STEAP3: variants seen among roughly 807,000 people sequenced by gnomAD.
The protein encoded by STEAP3 is STEAP3 metalloreductase, also known as metalloreductase STEAP3.
STEAP3 carries 35 observed loss-of-function variants against 34.9 expected under a neutral mutation model. The observed-to-expected ratio is 1.00, with a 90% confidence interval of 0.76 to 1.33. The LOEUF is 1.33. Ranked by LOEUF, STEAP3 falls within the 40% of genes most tolerant of loss-of-function variation. The probability of loss-of-function intolerance (pLI) is 0.00; values close to 1 mark genes in which losing one functional copy is unlikely to be tolerated. For missense variants in STEAP3, 652 were observed against 667.6 expected, an observed-to-expected ratio of 0.98 and a Z score of 0.26; for synonymous variants, 281 against 301.6, an observed-to-expected ratio of 0.93 and a Z score of 0.71.
In STEAP3 at chr2:119,253,507, G is replaced by A. The variant is rs1677685983; in HGVS notation, c.1051-1177G>A. On this transcript the variant is annotated intron_variant, in intron 4 of 5. Transcript: ENST00000393110. ...GCTGAAATTGTTTCTCAAAAAACCT[G>A]TATGAGTCATTCTGTTTTGAGAGGC... is the stretch of plus-strand genomic sequence containing the variant. Among the ~76,000 whole-genome samples, 6 of 151,452 alleles carry A rather than the reference G, an allele frequency of 4.0e-5. No homozygotes were observed. The South Asian group carries it at 1.2e-3, about 31-fold the overall frequency.
chr2:119,231,018 G>T lies in STEAP3; in HGVS notation c.6G>T (p.Ser2=), dbSNP rs753931702. The T allele has an allele frequency of 6.2e-7, 1 of 1,614,170 alleles. No individual in the cohort carries two copies. Among genetic ancestry groups the T allele is most frequent in the South Asian group, 1.1e-5 (1 of 91,084 alleles). The part of the protein sequence containing the change: M[S]HQPAVATKMP... ...CAGACCCTCACGTCAGCCGGATGTC[G>T]CACCAGCCTGCTGTTGGTAAGTCTG... The change falls in exon 2 of 6, where the codon TCG becomes TCT. Residue 2 remains serine, a synonymous_variant. Coordinates refer to ENST00000393110, the MANE Select transcript of STEAP3 (RefSeq NM_182915.3).
chr2:119,255,789 T>C (rs1460717182), intron 5 of STEAP3, among the ~76,000 whole-genome samples: 1 of 151,980 alleles, frequency 6.6e-6, no homozygotes, highest in Non-Finnish European at 1.5e-5. Context: ...TGGGAAATGC[T>C]GCTAGTGGCA....
chr2:119,253,766 G>A (rs1460049853), intron 4 of STEAP3, among the ~76,000 whole-genome samples: 1 of 151,858 alleles, frequency 6.6e-6, no homozygotes, highest in Admixed American at 6.6e-5. Context: ...GGGGAGAGAA[G>A]GGTCAGAAAT....
intron 5 of STEAP3, among the ~76,000 whole-genome samples, chr2:119,261,827 G>C (rs1286503346): frequency 1.3e-5 from 2 of 152,170 alleles, no homozygotes; most frequent in Non-Finnish European, 2.9e-5. Flanking sequence ...TCATGCTTTG[G>C]GTGGTGGATC....
chr2:119,260,094 C>G (rs1468505116), intron 5 of STEAP3, among the ~76,000 whole-genome samples: 2 of 152,146 alleles, frequency 1.3e-5, no homozygotes, highest in Non-Finnish European at 2.9e-5. Context: ...GTATTTTACC[C>G]AAGCTCCCCG....
intron 5 of STEAP3, among the ~76,000 whole-genome samples, chr2:119,262,624 C>A (rs150792312): frequency 1.5e-4 from 23 of 152,308 alleles, no homozygotes; most frequent in African/African-American, 4.3e-4. Flanking sequence ...GCAGTCCACC[C>A]ACTTAGGCCT....
intron 2 of STEAP3, chr2:119,239,442 A>AT (rs1677182030): frequency 6.6e-6 from 1 of 152,064 alleles, no homozygotes; most frequent in Non-Finnish European, 1.5e-5. Context: ...TAATTTTTGT[A>AT]TTTTTAGTAG....
rs1434688480 is a variant in STEAP3 at position 119,264,307 on chromosome 2, G to A, written c.*969G>A. The A allele has an allele frequency of 6.6e-6, 1 of 152,552 alleles. No individual in the cohort carries two copies. The highest frequency in any genetic ancestry group is 2.4e-5 in the African/African-American group (1 of 41,444). 9.4% of individuals were successfully genotyped at this position (152,552 alleles called of 1,614,324 possible). On this transcript the variant is annotated 3_prime_UTR_variant, in exon 6 of 6. Transcript: ENST00000393110. ...GGAGTAAAGCTCCCCGGGCGTCAGA[G>A]TTGAGCCCTGCCTGGGCTGAAGGAC... is the stretch of plus-strand genomic sequence containing the variant.
intron 5 of STEAP3, among the ~76,000 whole-genome samples, chr2:119,256,406 C>T (rs1301516551): frequency 6.6e-6 from 1 of 152,174 alleles, no homozygotes; most frequent in African/African-American, 2.4e-5. Flanking sequence ...TAGGATTTTC[C>T]TCTTCCCACC....
chr2:119,228,153 G>A (rs1430524097), intron 1 of STEAP3, among the ~76,000 whole-genome samples: 1 of 152,150 alleles, frequency 6.6e-6, no homozygotes, highest in Non-Finnish European at 1.5e-5. Flanking sequence ...ATAAGCATCC[G>A]ACTGGTGGGG....
rs1380733761 is a variant in STEAP3 at position 119,265,606 on chromosome 2, G to A, written c.*2268G>A. ...GTCTCTGTTTTTTTTTTTTAACCTG[G>A]TAGACAGTATAAAAGCAGTGCAAAT... On this transcript the variant is annotated 3_prime_UTR_variant, in exon 6 of 6. Transcript: ENST00000393110. The A allele has an allele frequency of 2.6e-5, 4 of 151,570 alleles. No individual in the cohort carries two copies. Among genetic ancestry groups the A allele is most frequent in the Admixed American group, 2.6e-4 (4 of 15,236 alleles). 9.4% of individuals were successfully genotyped at this position (151,570 alleles called of 1,614,324 possible).
At chr2:119,229,222 A>T (rs1679140893) in intron 1 of STEAP3, among the ~76,000 whole-genome samples, 1 of 152,162 alleles carries the variant, frequency 6.6e-6, no homozygotes, top group Admixed American at 6.5e-5. Context: ...GGCTCACTGC[A>T]ACCTCTGCCT....
In STEAP3 at chr2:119,263,203, G is replaced by A; in HGVS notation, c.1362G>A (p.Leu454=). The change falls in exon 6 of 6, where the codon CTG becomes CTA. Residue 454 remains leucine (L), a synonymous_variant. Transcript: ENST00000393110. The stretch of plus-strand genomic sequence containing the variant: ...TGCTGGTGCCCTGCGTCGTCATCCT[G>A]GCCAAAGCCCTGTTTCTCCTGCCCT... The part of the protein sequence containing the change: ...LTLLVPCVVI[L]AKALFLLPCI... 6.2e-7 allele frequency: 1 copy of A among 1,614,146 alleles called. No homozygotes were observed. The highest frequency in any genetic ancestry group is 8.5e-7 in the Non-Finnish European group (1 of 1,180,040).
intron 5 of STEAP3, among the ~76,000 whole-genome samples, chr2:119,258,597 A>ATTT (rs57364767): frequency 2.9e-5 from 2 of 69,940 alleles, no homozygotes; most frequent in Non-Finnish European, 2.5e-5. Context: ...TCCTTTGGGT[A>ATTT]TTTTTTTTTT....
intron 2 of STEAP3, among the ~76,000 whole-genome samples, chr2:119,233,241 T>A (rs935827953): frequency 6.6e-6 from 1 of 152,196 alleles, no homozygotes; most frequent in Non-Finnish European, 1.5e-5. Flanking sequence ...CTTCCATGAG[T>A]ACCCCCATAC....
Position 119,230,829 on chromosome 2 carries a change from T to C in STEAP3, c.-184T>C. 1.4e-6 allele frequency: 1 copy of C among 712,006 alleles called. No individual in the cohort carries two copies. The highest frequency in any genetic ancestry group is 1.7e-5 in the South Asian group (1 of 59,284). The allele number at this position is 712,006 out of a possible 1,614,324, so 44.1% of individuals were successfully genotyped here. A position where few individuals can be genotyped will look rare whatever the true frequency, so the allele number is the denominator to read the frequency against. On this transcript the variant is annotated 5_prime_UTR_variant, in exon 2 of 6. Transcript: ENST00000393110. The stretch of plus-strand genomic sequence containing the variant: ...CGGTCCAGCCCCTGTGGCCAAGAGC[T>C]GGCGTGCAGGCTGCGGGAGGCAGCT...
intron 5 of STEAP3, among the ~76,000 whole-genome samples, chr2:119,261,502 C>G (rs910458028): frequency 1.3e-5 from 2 of 151,962 alleles, no homozygotes; most frequent in Non-Finnish European, 2.9e-5. Flanking sequence ...AGAATTCAGT[C>G]AGAGCACCCC....
intron 5 of STEAP3, among the ~76,000 whole-genome samples, chr2:119,261,080 T>TC (rs1448605734): frequency 1.3e-5 from 2 of 152,178 alleles, no homozygotes; most frequent in African/African-American, 4.8e-5. Flanking sequence ...CAAGCAATTC[T>TC]CCCACACCAT....
At chr2:119,255,325 C>T (rs1371317981) in intron 5 of STEAP3, among the ~76,000 whole-genome samples, 1 of 152,056 alleles carries the variant, frequency 6.6e-6, no homozygotes. Flanking sequence ...TTGATTCATG[C>T]AGCGTGGATG....
Sources: allele counts gnomAD v4.1 joint callset (sites outside exome capture counted in the v4.1 genomes callset), GRCh38; gene constraint gnomAD v4.1.1; transcripts MANE v1.5; gene names NCBI Gene and HGNC (gene_info 2026-07-23, HGNC 2026-07-21).